Variants in PLD3 observed in about 807,000 individuals in gnomAD.
PLD3 encodes the protein phospholipase D family member 3.
A neutral mutation model predicts 58.4 loss-of-function variants in PLD3; 31 were observed. The ratio of observed to expected loss-of-function variants is 0.53; its 90% confidence interval spans 0.40 to 0.72. The LOEUF (loss-of-function observed/expected upper bound fraction) is 0.72, where lower values mean the gene tolerates loss of function less well. PLD3 is among the 30% of genes least tolerant of loss of function. The pLI is 0.00. For missense variants in PLD3, 595 were observed against 659.8 expected (o/e 0.90, Z 1.08); for synonymous variants, 264 against 273.4 (o/e 0.97, Z 0.34).
At position 40,366,664 on chromosome 19, in the gene PLD3, G is replaced by T; in HGVS notation, c.82G>T (p.Ala28Ser). The T allele has an allele frequency of 6.2e-7, 1 of 1,601,112 alleles. No individual in the cohort carries two copies. ...TGAGCTGCCCATGAATGAGATTGAG[G>T]CGTGGAAGGCTGCGGAAAAGGTAGG... is the stretch of plus-strand genomic sequence containing the variant. ...ANELPMNEIE[A>S]WKAAEKKARW... The change falls in exon 4 of 13, where the codon GCG becomes TCG. Residue 28 changes from alanine (A) to serine (S), a missense_variant. Physicochemically the swap from Ala to Ser is moderately conservative, Grantham distance 99. Transcript: ENST00000409735.
At chr19:40,353,533 T>C (rs1346741780) in intron 1 of PLD3, among the ~76,000 whole-genome samples, 2 of 152,178 alleles carry the variant, frequency 1.3e-5, no homozygotes, top group Non-Finnish European at 2.9e-5. Context: ...ATGGTAACAC[T>C]GCTTTGCCCT....
At chr19:40,376,270 G>A (rs1274514048) in intron 10 of PLD3, 9 of 219,202 alleles carry the variant, frequency 4.1e-5, no homozygotes, top group South Asian at 1.0e-4. Flanking sequence ...CAGGAGAATC[G>A]CTTGAACCCA....
rs752118587 is a variant in PLD3, at chr19:40,377,756, C to T, written c.1186-30C>T. 9 of 1,565,694 alleles carry T rather than the reference C, an allele frequency of 5.7e-6. No homozygotes were observed. In the Middle Eastern group the frequency reaches 5.0e-4, roughly 87 times the overall value. Reference sequence around the variant, plus strand: ...CTCCTCCGACTCCCCCTGCCTCTCACACTCCTTCCCATCCTCCCCTCCCAC... The same window carrying T: ...CTCCTCCGACTCCCCCTGCCTCTCATACTCCTTCCCATCCTCCCCTCCCAC... On this transcript the variant is annotated intron_variant, in intron 11 of 12. Transcript: ENST00000409735.
chr19:40,350,823 G>A (rs1378738019), intron 1 of PLD3, among the ~76,000 whole-genome samples: 1 of 152,024 alleles, frequency 6.6e-6, no homozygotes, highest in Non-Finnish European at 1.5e-5. Flanking sequence ...AAATAGGTAA[G>A]TAGATTATTG....
intron 2 of PLD3, 55 bp downstream of exon 2, chr19:40,365,985 C>G (rs2078911983): frequency 6.4e-6 from 1 of 156,712 alleles, no homozygotes. Context: ...AGGGAGGCCC[C>G]GATGATCCCT....
intron 1 of PLD3, among the ~76,000 whole-genome samples, chr19:40,349,449 G>C (rs563802645): frequency 1.5e-4 from 23 of 152,050 alleles, no homozygotes; most frequent in Non-Finnish European, 3.1e-4. Context: ...AACATACGGG[G>C]TACTGCAGCC....
At chr19:40,373,571 C>CG (rs2079117087) in intron 9 of PLD3, among the ~76,000 whole-genome samples, 1 of 133,782 alleles carries the variant, frequency 7.5e-6, no homozygotes, top group African/African-American at 2.9e-5. Flanking sequence ...AGTGAGACTC[C>CG]ACTTCAAAAA....
chr19:40,377,327 G>GGGATGCCCAGAGGAAGCCTCTGCCCT (rs2079247764), intron 11 of PLD3, among the ~76,000 whole-genome samples: 1 of 140,286 alleles, frequency 7.1e-6, no homozygotes, highest in African/African-American at 2.7e-5. Flanking sequence ...GGCTGGGATG[G>GGGATGCCCAGAGGAAGCCTCTGCCCT]AGGAGGTACA....
intron 3 of PLD3, 27 bp downstream of exon 3, chr19:40,366,537 G>A: frequency 1.2e-6 from 2 of 1,608,762 alleles, no homozygotes; most frequent in Non-Finnish European, 1.7e-6. Context: ...GCTCAGCAGG[G>A]TGGAACTGGG....
intron 6 of PLD3, 85 bp from the exon 7 acceptor site, chr19:40,369,823 T>C (rs1466488002): frequency 7.7e-7 from 1 of 1,296,568 alleles, no homozygotes; most frequent in African/African-American, 1.5e-5. Context: ...CCTAATCATG[T>C]CTCAAAATAA....
At position 40,374,542 on chromosome 19, in the gene PLD3, T is replaced by G. The variant is rs1345582459; in HGVS notation, c.941T>G (p.Val314Gly). ...RTPDLKALLN[V>G]VDNARSFIYV... ...CCAGACCTGAAGGCTCTACTCAACGTGGTGGACAATGCCCGGAGTTTCATC... is the reference window on the plus strand; with the variant it reads ...CCAGACCTGAAGGCTCTACTCAACGGGGTGGACAATGCCCGGAGTTTCATC... Residue 314 changes from valine to glycine, a missense_variant, in exon 10 of 13, where the codon GTG becomes GGG. Physicochemically the swap from Val to Gly is moderately radical, Grantham distance 109 (BLOSUM62 -3). Coordinates refer to ENST00000409735, the MANE Select transcript of PLD3 (RefSeq NM_012268.4). 1 of 1,614,026 alleles carries G rather than the reference T, an allele frequency of 6.2e-7. No individual in the cohort carries two copies. Among genetic ancestry groups the G allele is most frequent in the Non-Finnish European group, 8.5e-7 (1 of 1,180,016 alleles).
chr19:40,371,867 C>T lies in PLD3; in HGVS notation c.873C>T (p.Tyr291=). The change falls in exon 9 of 13, where the codon TAC becomes TAT. Residue 291 remains tyrosine (Y), a synonymous_variant. Transcript: ENST00000409735. The stretch of plus-strand genomic sequence containing the variant: ...TCAATGGAACCCCTGCTCTGGCCTA[C>T]CTGGCGGTGAGTCTGGGGCAAGTGG... ...ICLNGTPALA[Y]LASAPPPLCP... The T allele has an allele frequency of 6.2e-7, 1 of 1,613,734 alleles. No individual in the cohort carries two copies. The highest frequency in any genetic ancestry group is 8.5e-7 in the Non-Finnish European group (1 of 1,179,820).
chr19:40,360,216 T>A (rs2078746680), intron 1 of PLD3: 1 of 152,400 alleles, frequency 6.6e-6, no homozygotes, highest in East Asian at 1.9e-4. Flanking sequence ...AGAAATGCCA[T>A]CCCCTCCACC....
rs1404559954 is a variant in PLD3, at chr19:40,370,161, A to T, written c.602A>T (p.His201Leu). Residue 201 changes from histidine to leucine, a missense_variant, in exon 8 of 13, where the codon CAT becomes CTT. By Grantham distance (99) the His-to-Leu change is moderately conservative. Transcript: ENST00000409735. ...DMQKLTHGVL[H>L]TKFWVVDQTH... ...CAGAAGCTGACCCATGGCGTCCTGC[A>T]TACCAAGTTCTGGGTGGTGGACCAG... 1.2e-6 allele frequency: 2 copies of T among 1,614,006 alleles called. No homozygotes were observed. Among genetic ancestry groups the T allele is most frequent in the Non-Finnish European group, 1.7e-6 (2 of 1,179,974 alleles).
intron 1 of PLD3, 93 bp downstream of exon 1, chr19:40,348,861 A>G (rs2078400165): frequency 6.7e-6 from 1 of 148,682 alleles, no homozygotes; most frequent in East Asian, 1.8e-4. Flanking sequence ...TATTATATGG[A>G]ATATAATATA....
chr19:40,355,316 T>G (rs1013723798), intron 1 of PLD3, among the ~76,000 whole-genome samples: 2 of 151,430 alleles, frequency 1.3e-5, no homozygotes, highest in African/African-American at 2.4e-5. Context: ...TTTTTTTTGT[T>G]TTTTGTTTTT....
intron 1 of PLD3, among the ~76,000 whole-genome samples, chr19:40,354,796 G>C (rs2078612094): frequency 6.6e-6 from 1 of 151,658 alleles, no homozygotes. Flanking sequence ...AAAGTGCTGG[G>C]ATTACAGGTG....
rs148576164 is a variant in PLD3 at position 40,375,881 on chromosome 19, G to A, written c.1020-728G>A. Among the ~76,000 whole-genome samples the A allele has an allele frequency of 6.9e-3, 1,039 of 151,420 alleles. 10 individuals are homozygous for A. Among genetic ancestry groups the A allele is most frequent in the South Asian group, 0.015 (70 of 4,782 alleles). On this transcript the variant is annotated intron_variant, in intron 10 of 12. Coordinates refer to ENST00000409735, the MANE Select transcript of PLD3 (RefSeq NM_012268.4). ...AGCCTGGGCAACATAATGAGACCCC[G>A]TCTCTATAGAAAAATTGGAAGATTA...
At chr19:40,351,530 G>A (rs1477290827) in intron 1 of PLD3, among the ~76,000 whole-genome samples, 7 of 152,158 alleles carry the variant, frequency 4.6e-5, no homozygotes, top group African/African-American at 7.2e-5. Flanking sequence ...GGGCGACAGC[G>A]AGATTCTGTC....
Sources: allele counts gnomAD v4.1 joint callset (sites outside exome capture counted in the v4.1 genomes callset), GRCh38; gene constraint gnomAD v4.1.1; transcripts MANE v1.5; gene names NCBI Gene and HGNC (gene_info 2026-07-23, HGNC 2026-07-21).